The following RMP24 variants were observed in gnomAD, a reference collection of about 807,000 sequenced individuals.
RMP24 encodes the protein ribonuclease MRP protein subunit p24.
the RMP24 span, among the ~76,000 whole-genome samples, chr18:35,975,913 G>A: frequency 6.6e-6 from 1 of 152,184 alleles, no homozygotes; most frequent in Non-Finnish European, 1.5e-5. Flanking sequence ...GGGAAAGAAA[G>A]AAGAGATAGA....
the RMP24 span, chr18:35,973,122 A>C: frequency 1.6e-6 from 1 of 636,500 alleles, no homozygotes; most frequent in Non-Finnish European, 2.7e-6. Flanking sequence ...TCAGTCTTGA[A>C]ATAGTTTCCT....
At chr18:35,972,686 C>G in the RMP24 span, 13 of 1,568,166 alleles carry the variant, frequency 8.3e-6, no homozygotes, top group Non-Finnish European at 8.6e-6. Flanking sequence ...GCCCTATTTT[C>G]TCACCTGGTT....
At chr18:35,977,470 G>A in the RMP24 span, 1 of 1,614,082 alleles carries the variant, frequency 6.2e-7, no homozygotes, top group Non-Finnish European at 8.5e-7. Context: ...TAGAAGCTTT[G>A]TGTCAACATT....
At chr18:35,972,985 G>A in the RMP24 span, 1 of 1,576,234 alleles carries the variant, frequency 6.3e-7, no homozygotes, top group Non-Finnish European at 8.7e-7. Flanking sequence ...GCTCAAATAA[G>A]GCCGATGGAC....
chr18:35,975,675 G>A, the RMP24 span, among the ~76,000 whole-genome samples: 84 of 152,316 alleles, frequency 5.5e-4, no homozygotes, highest in African/African-American at 1.9e-3. Context: ...ATGGAGGCCA[G>A]TAGCAAATAC....
the RMP24 span, chr18:35,978,726 A>G: frequency 1.0e-6 from 1 of 963,758 alleles, no homozygotes; most frequent in Non-Finnish European, 1.5e-6. Flanking sequence ...GATTTGTCAA[A>G]TGATAATACA....
At chr18:35,975,851 A>C in the RMP24 span, among the ~76,000 whole-genome samples, 3 of 152,314 alleles carry the variant, frequency 2.0e-5, no homozygotes, top group South Asian at 4.1e-4. Flanking sequence ...GGAGTTTACC[A>C]GTGTTGGTCA....
the RMP24 span, among the ~76,000 whole-genome samples, chr18:35,976,732 T>TC: frequency 6.6e-6 from 1 of 152,186 alleles, no homozygotes; most frequent in African/African-American, 2.4e-5. Flanking sequence ...GGCTTGAAGT[T>TC]CATCTGCAAA....
chr18:35,972,785 G>A, the RMP24 span: 2 of 1,614,076 alleles, frequency 1.2e-6, no homozygotes, highest in East Asian at 2.2e-5. Context: ...ACAGCTGCCC[G>A]GGCCAAGCCC....
the RMP24 span, among the ~76,000 whole-genome samples, chr18:35,974,696 A>G: frequency 6.6e-6 from 1 of 152,232 alleles, no homozygotes; most frequent in Non-Finnish European, 1.5e-5. Context: ...TGTTGCTGAA[A>G]GGAGTGAATG....
At chr18:35,977,640 G>T in the RMP24 span, 1 of 1,576,100 alleles carries the variant, frequency 6.3e-7, no homozygotes, top group Admixed American at 1.9e-5. Flanking sequence ...CCAGTGTTAA[G>T]TGTTTTCTTC....
the RMP24 span, among the ~76,000 whole-genome samples, chr18:35,975,449 A>G: frequency 4.6e-5 from 7 of 152,146 alleles, no homozygotes; most frequent in Non-Finnish European, 8.8e-5. Flanking sequence ...TTTGCTTCAG[A>G]TAGTACTATG....
chr18:35,972,871 T>C, the RMP24 span: 1 of 1,614,158 alleles, frequency 6.2e-7, no homozygotes, highest in South Asian at 1.1e-5. Flanking sequence ...CACAAGTCTC[T>C]TTCTCTTTTA....
the RMP24 span, chr18:35,973,272 C>T: frequency 1.6e-5 from 6 of 372,596 alleles, no homozygotes; most frequent in Non-Finnish European, 3.0e-5. Context: ...TTTCTAGGCA[C>T]ACTCGCTTCC....
At chr18:35,974,496 T>C in the RMP24 span, among the ~76,000 whole-genome samples, 49 of 152,254 alleles carry the variant, frequency 3.2e-4, no homozygotes, top group South Asian at 8.3e-4. Context: ...ATACTATTCA[T>C]TGTGCTAATT....
the RMP24 span, chr18:35,979,042 TA>T: frequency 6.5e-6 from 10 of 1,530,978 alleles, no homozygotes; most frequent in Non-Finnish European, 7.9e-6. Flanking sequence ...CTAAAGTTGG[TA>T]AAACAACTTT....
At chr18:35,974,626 A>G in the RMP24 span, among the ~76,000 whole-genome samples, 2 of 152,220 alleles carry the variant, frequency 1.3e-5, no homozygotes, top group African/African-American at 4.8e-5. Flanking sequence ...AAGTGGCTAG[A>G]TTTAGGATAT....
At chr18:35,978,986 A>G in the RMP24 span, 1 of 1,595,218 alleles carries the variant, frequency 6.3e-7, no homozygotes. Context: ...ATCTTCTCTG[A>G]AGGGTGGACT....
At chr18:35,975,228 T>A in the RMP24 span, 1 of 696,230 alleles carries the variant, frequency 1.4e-6, no homozygotes, top group African/African-American at 1.8e-5. Context: ...AATATATACA[T>A]AAACACTTCT....
Sources: gnomAD v4.1 joint callset for allele counts (sites outside exome capture counted in the v4.1 genomes callset) on GRCh38, gnomAD v4.1.1 for gene constraint, MANE v1.5 for transcripts, NCBI Gene and HGNC (gene_info 2026-07-23, HGNC 2026-07-21) for gene names.